Variants in SET observed in about 807,000 individuals in gnomAD.
SET encodes the protein SET nuclear proto-oncogene, also known as protein SET.
A neutral mutation model predicts 39.0 loss-of-function variants in SET; 4 were observed. That is an observed-to-expected ratio of 0.10 (90% CI 0.05 to 0.23). SET has a LOEUF of 0.23. Ranked by LOEUF, SET falls within the 10% of genes least tolerant of loss-of-function variation. The pLI is 1.00. For missense variants in SET, 137 were observed against 329.7 expected (o/e 0.42, Z 4.53); for synonymous variants, 114 against 115.9 (o/e 0.98, Z 0.11).
rs1339290767 is a variant in SET, at chr9:128,694,637, T to C, written c.811-4T>C. 4.4e-6 allele frequency: 7 copies of C among 1,579,570 alleles called. No homozygotes were observed. Among genetic ancestry groups the C allele is most frequent in the African/African-American group, 1.4e-5 (1 of 72,582 alleles). The stretch of plus-strand genomic sequence containing the variant: ...GAAGATTAACTGCCCACTTTTTCTT[T>C]CAGGAGGATGAAGGAGAAGATGACT... On this transcript the variant is annotated splice_region_variant and splice_polypyrimidine_tract_variant and intron_variant, in intron 7 of 7. Coordinates refer to ENST00000322030, the MANE Select transcript of SET (RefSeq NM_003011.4).
In SET at chr9:128,694,055, T is replaced by A. The variant is rs1382679167; in HGVS notation, c.810+13T>A. On this transcript the variant is annotated intron_variant, in intron 7 of 7. Coordinates refer to ENST00000322030, the MANE Select transcript of SET (RefSeq NM_003011.4). The stretch of plus-strand genomic sequence containing the variant: ...GGAGGAAGGAGAGGTAAAAGAAAAT[T>A]TGGCTAAACCCACAAAGATAACTTT... 3.3e-6 allele frequency: 5 copies of A among 1,507,962 alleles called. No individual in the cohort carries two copies. The allele number at this position is 1,507,962 out of a possible 1,614,324, so 93.4% of individuals were successfully genotyped here. A position where few individuals can be genotyped will look rare whatever the true frequency, so the allele number is the denominator to read the frequency against.
intron 3 of SET, chr9:128,692,439 A>G: frequency 2.8e-6 from 1 of 359,932 alleles, no homozygotes; most frequent in Non-Finnish European, 5.0e-6. Flanking sequence ...AGACGGGAAA[A>G]GATATACAGC....
intron 2 of SET, among the ~76,000 whole-genome samples, chr9:128,691,563 G>A (rs1861535855): frequency 6.6e-6 from 1 of 152,152 alleles, no homozygotes; most frequent in Non-Finnish European, 1.5e-5. Flanking sequence ...TTTAGAAATC[G>A]CGCTTGAGGG....
At position 128,689,461 on chromosome 9, in the gene SET, G is replaced by A; in HGVS notation, c.-122G>A. 1 of 602,760 alleles carries A rather than the reference G, an allele frequency of 1.7e-6. No individual in the cohort carries two copies. Among genetic ancestry groups the A allele is most frequent in the Non-Finnish European group, 2.3e-6 (1 of 437,734 alleles). The allele number at this position is 602,760 out of a possible 1,614,324, so 37.3% of individuals were successfully genotyped here. A position where few individuals can be genotyped will look rare whatever the true frequency, so the allele number is the denominator to read the frequency against. On this transcript the variant is annotated 5_prime_UTR_variant, in exon 1 of 8. Coordinates refer to ENST00000322030, the MANE Select transcript of SET (RefSeq NM_003011.4). ...GGGAGGGAGAGCGAGCGAGCGCCGG[G>A]AGGAGGCGGCCGGACCGAGCGGGCG...
At chr9:128,683,482 C>T (rs112498490), upstream of SET, 4,474 of 232,936 alleles carry the variant, frequency 0.019, 177 homozygotes, top group African/African-American at 0.092. Context: ...CTTTTGGAGG[C>T]CAAAGGAAAA....
Position 128,696,339 on chromosome 9 carries a change from C to G in SET, c.*1675C>G. On this transcript the variant is annotated 3_prime_UTR_variant, in exon 8 of 8. Transcript: ENST00000322030. The stretch of plus-strand genomic sequence containing the variant: ...ACAGGTCTCTGTTTAGTAAATACAT[C>G]ACTGTATACCGATCAGGAATCTTGC... 1 of 186,078 alleles carries G rather than the reference C, an allele frequency of 5.4e-6. No individual in the cohort carries two copies. The highest frequency in any genetic ancestry group is 1.1e-5 in the Non-Finnish European group (1 of 87,258). 11.5% of individuals were successfully genotyped at this position (186,078 alleles called of 1,614,324 possible). A position where few individuals can be genotyped will look rare whatever the true frequency, so the allele number is the denominator to read the frequency against.
intron 4 of SET, 23 bp from the exon 5 acceptor site, chr9:128,692,845 A>G (rs547209290): frequency 8.5e-6 from 13 of 1,522,094 alleles, no homozygotes; most frequent in Admixed American, 5.1e-5. Context: ...TCATATTTCT[A>G]ATCTTTCAAT....
chr9:128,695,595 A>C lies in SET; in HGVS notation c.*931A>C, dbSNP rs1243846722. 8.9e-6 allele frequency: 2 copies of C among 224,270 alleles called. No individual in the cohort carries two copies. The highest frequency in any genetic ancestry group is 1.3e-4 in the East Asian group (2 of 15,916). The allele number at this position is 224,270 out of a possible 1,614,324, so 13.9% of individuals were successfully genotyped here. A position where few individuals can be genotyped will look rare whatever the true frequency, so the allele number is the denominator to read the frequency against. On this transcript the variant is annotated 3_prime_UTR_variant, in exon 8 of 8. Coordinates refer to ENST00000322030, the MANE Select transcript of SET (RefSeq NM_003011.4). ...CTATGACCTTCCAAGTTTGACTTGT[A>C]TAACATCACTGTCAAACTTTGTCAC...
In SET at chr9:128,690,778, A is replaced by G. The variant is rs564000186; in HGVS notation, c.74-392A>G. 2.9e-4 allele frequency: 63 copies of G among 213,828 alleles called. No individual in the cohort carries two copies. In the South Asian group the frequency reaches 3.8e-3, roughly 13 times the overall value. 13.2% of individuals were successfully genotyped at this position (213,828 alleles called of 1,614,324 possible). A position where few individuals can be genotyped will look rare whatever the true frequency, so the allele number is the denominator to read the frequency against. On this transcript the variant is annotated intron_variant, in intron 1 of 7. Coordinates refer to ENST00000322030, the MANE Select transcript of SET (RefSeq NM_003011.4). ...TGGTGGCCTAATTTGTATCATTGTC[A>G]TGGGTTTAGTTTCCATATTCTAGTT...
upstream of SET, chr9:128,685,099 G>A (rs901464683): frequency 1.9e-6 from 3 of 1,548,626 alleles, no homozygotes; most frequent in Non-Finnish European, 2.6e-6. Context: ...CACTGAGGAG[G>A]AGTCCTACCT....
intron 3 of SET, 79 bp downstream of exon 3, chr9:128,692,079 G>A (rs1861556324): frequency 6.5e-6 from 10 of 1,537,302 alleles, no homozygotes; most frequent in Non-Finnish European, 8.0e-6. Context: ...ACTTAGTCCA[G>A]CATGCTGGGT....
chr9:128,689,557 T>TCCCC lies in SET; in HGVS notation c.-21_-18dup. ...CCTTCCCTTCTCTCCCCCTCCCCGC[T>TCCCC]CCCCCCCCGACCGCGGAGCAGCACC... On this transcript the variant is annotated 5_prime_UTR_variant, in exon 1 of 8. Transcript: ENST00000322030. 1 of 1,099,046 alleles carries TCCCC rather than the reference T, an allele frequency of 9.1e-7. No homozygotes were observed. The highest frequency in any genetic ancestry group is 1.2e-6 in the Non-Finnish European group (1 of 854,748). The allele number at this position is 1,099,046 out of a possible 1,614,324, so 68.1% of individuals were successfully genotyped here. A position where few individuals can be genotyped will look rare whatever the true frequency, so the allele number is the denominator to read the frequency against.
intron 2 of SET, 142 bp from the exon 3 acceptor site, chr9:128,691,716 G>A (rs41275908): frequency 0.013 from 10,604 of 796,170 alleles, 144 homozygotes; most frequent in South Asian, 0.051. Flanking sequence ...AGTTTTGAGT[G>A]TCTAAATTAG....
At chr9:128,691,355 C>G (rs981902291) in intron 2 of SET, 128 bp downstream of exon 2, 2 of 661,764 alleles carry the variant, frequency 3.0e-6, no homozygotes, top group African/African-American at 3.7e-5. Context: ...GTTGGAAATA[C>G]TTATGTAGAT....
At chr9:128,692,094 T>TGCAA (rs968949257) in intron 3 of SET, 94 bp downstream of exon 3, 2 of 1,461,980 alleles carry the variant, frequency 1.4e-6, no homozygotes, top group African/African-American at 1.4e-5. Flanking sequence ...CTGGGTTGCG[T>TGCAA]GCAACAAAGA....
In SET at chr9:128,694,058, G is replaced by T; in HGVS notation, c.810+16G>T. Reference sequence around the variant, plus strand: ...GGAAGGAGAGGTAAAAGAAAATTTGGCTAAACCCACAAAGATAACTTTTAA... The same window carrying T: ...GGAAGGAGAGGTAAAAGAAAATTTGTCTAAACCCACAAAGATAACTTTTAA... On this transcript the variant is annotated intron_variant, in intron 7 of 7. Transcript: ENST00000322030. The T allele has an allele frequency of 6.7e-7, 1 of 1,499,284 alleles. No homozygotes were observed. The highest frequency in any genetic ancestry group is 9.0e-7 in the Non-Finnish European group (1 of 1,111,916). The allele number at this position is 1,499,284 out of a possible 1,614,324, so 92.9% of individuals were successfully genotyped here.
chr9:128,689,998 C>T (rs888858002), intron 1 of SET: 3 of 1,042,706 alleles, frequency 2.9e-6, no homozygotes, highest in African/African-American at 3.5e-5. Flanking sequence ...TGATGCCTCG[C>T]TCCCATCAGC....
At chr9:128,688,013 C>A (rs1364206512), upstream of SET, among the ~76,000 whole-genome samples, 1 of 152,174 alleles carries the variant, frequency 6.6e-6, no homozygotes, top group Non-Finnish European at 1.5e-5. Flanking sequence ...GGTCAGTAGA[C>A]CAGCCTGGCC....
At chr9:128,684,419 G>A (rs756105363), upstream of SET, among the ~76,000 whole-genome samples, 5 of 152,070 alleles carry the variant, frequency 3.3e-5, no homozygotes, top group South Asian at 2.1e-4. Flanking sequence ...TGCCGACGGC[G>A]GCCCACAACT....
Sources: gnomAD v4.1 joint callset for allele counts (sites outside exome capture counted in the v4.1 genomes callset) on GRCh38, gnomAD v4.1.1 for gene constraint, MANE v1.5 for transcripts, NCBI Gene and HGNC (gene_info 2026-07-23, HGNC 2026-07-21) for gene names.